The following RADIL variants were observed in gnomAD, a reference collection of about 807,000 sequenced individuals.
RADIL encodes Rap associating with DIL domain.
Under a neutral mutation model 97.6 loss-of-function variants are expected in RADIL, and 99 were observed. The observed-to-expected ratio is 1.01, with a 90% confidence interval of 0.86 to 1.20. The LOEUF (loss-of-function observed/expected upper bound fraction) is 1.20. RADIL is among the 50% of genes most tolerant of loss of function. The probability of loss-of-function intolerance (pLI) is 0.00; values close to 1 mark genes in which losing one functional copy is unlikely to be tolerated. For synonymous variants in RADIL, 803 were observed against 691.8 expected, an observed-to-expected ratio of 1.16 and a Z score of -2.52; for missense variants, 1,765 against 1,498.9, an observed-to-expected ratio of 1.18 and a Z score of -2.93.
intron 1 of RADIL, chr7:4,881,965 TC>T (rs1424047854): frequency 2.0e-5 from 3 of 150,910 alleles, no homozygotes; most frequent in African/African-American, 7.3e-5. Context: ...CCCCTGCTTT[TC>T]CCACAGTTTC....
At position 4,814,879 on chromosome 7, in the gene RADIL, C is replaced by G. The variant is rs1214107591; in HGVS notation, c.2139+399G>C. On this transcript the variant is annotated intron_variant, in intron 9 of 14. Transcript: ENST00000399583. The surrounding 1 kb of genome is among the most constrained non-coding windows in gnomAD (Gnocchi z 4.5). The stretch of plus-strand genomic sequence containing the variant: ...GGCCACTGCACTCCTGTGCTCCTGG[C>G]CCCTCCTCCAGCCTCAGAGCCACAT... Among the ~76,000 whole-genome samples the G allele has an allele frequency of 6.6e-6, 1 of 152,224 alleles. No individual in the cohort carries two copies.
At position 4,814,533 on chromosome 7, in the gene RADIL, G is replaced by A. The variant is rs143870564; in HGVS notation, c.2139+745C>T. On this transcript the variant is annotated intron_variant, in intron 9 of 14. Coordinates refer to ENST00000399583, the MANE Select transcript of RADIL (RefSeq NM_018059.5). The surrounding 1 kb of genome is among the most constrained non-coding windows in gnomAD (Gnocchi z 4.5). ...TTAATTACCTGTGATGACTGTGTTG[G>A]GAAGGGGGGTGGTGAGTGGCTGACT... is the stretch of plus-strand genomic sequence containing the variant. Among the ~76,000 whole-genome samples, 699 of 152,182 alleles carry A rather than the reference G, an allele frequency of 4.6e-3. No homozygotes were observed. Among genetic ancestry groups the A allele is most frequent in the Non-Finnish European group, 7.7e-3 (522 of 67,986 alleles).
chr7:4,816,300 C>T lies in RADIL; in HGVS notation c.1894G>A (p.Val632Met). 1 of 1,612,614 alleles carries T rather than the reference C, an allele frequency of 6.2e-7. No homozygotes were observed. Among genetic ancestry groups the T allele is most frequent in the East Asian group, 2.2e-5 (1 of 44,858 alleles). Residue 632 changes from valine to methionine, a missense_variant, in exon 8 of 15, where the codon GTG becomes ATG. By Grantham distance (21) the Val-to-Met change is conservative. Coordinates refer to ENST00000399583, the MANE Select transcript of RADIL (RefSeq NM_018059.5). ...AGGTAGGCGAGCATCTGCGAGGCCA[C>T]CTCGGGGTGCACCTGCAGCTGCCGC... ...LLRQLQVHPEVASQMLAYLFF... is the reference protein window; with the variant it reads ...LLRQLQVHPEMASQMLAYLFF...
Position 4,821,515 on chromosome 7 carries a change from C to T in RADIL, c.1615+879G>A, listed in dbSNP as rs1391857423. On this transcript the variant is annotated intron_variant, in intron 6 of 14. Transcript: ENST00000399583. The surrounding 1 kb of genome is among the most constrained non-coding windows in gnomAD (Gnocchi z 5.2). The stretch of plus-strand genomic sequence containing the variant: ...CCTCTCGAAGCCCCCTAGACTGCCC[C>T]GATGGAATCCCTCTCCCTTAGTATT... Among the ~76,000 whole-genome samples, 3 of 152,212 alleles carry T rather than the reference C, an allele frequency of 2.0e-5. No homozygotes were observed. The highest frequency in any genetic ancestry group is 7.2e-5 in the African/African-American group (3 of 41,454).
At chr7:4,876,946 C>A (rs548245709) in intron 2 of RADIL, among the ~76,000 whole-genome samples, 1 of 152,232 alleles carries the variant, frequency 6.6e-6, no homozygotes, top group Non-Finnish European at 1.5e-5. Context: ...AAAAACTCCC[C>A]GACAAGGTCG....
rs757495145 is a variant in RADIL, at chr7:4,842,142, T to C, written c.536-5537A>G. 6.6e-6 allele frequency among the ~76,000 whole-genome samples: 1 copy of C among 151,866 alleles called. No homozygotes were observed. Among genetic ancestry groups the C allele is most frequent in the African/African-American group, 2.4e-5 (1 of 41,354 alleles). ...ACCATGGTTTGCAGACAGGCCTGCC[T>C]GGTCATGAAATGTCTGCCTTTGACA... On this transcript the variant is annotated intron_variant, in intron 2 of 14. Coordinates refer to ENST00000399583, the MANE Select transcript of RADIL (RefSeq NM_018059.5). This position sits in a 1 kb window ranked among gnomAD's most constrained non-coding sequence, Gnocchi z 4.5.
chr7:4,881,910 T>C (rs1391867769), intron 1 of RADIL, among the ~76,000 whole-genome samples: 2 of 152,156 alleles, frequency 1.3e-5, no homozygotes, highest in Admixed American at 6.5e-5. Context: ...CCCAGGGTCT[T>C]AGAAGCTTGA....
chr7:4,806,952 T>C (rs1377502169), intron 9 of RADIL, among the ~76,000 whole-genome samples: 1 of 152,196 alleles, frequency 6.6e-6, no homozygotes, highest in East Asian at 1.9e-4. Flanking sequence ...CCCATCGTCC[T>C]GCAGCCCTGG....
At position 4,847,480 on chromosome 7, in the gene RADIL, T is replaced by TC. The variant is rs944638056; in HGVS notation, c.536-10876dup. On this transcript the variant is annotated intron_variant, in intron 2 of 14. Coordinates refer to ENST00000399583, the MANE Select transcript of RADIL (RefSeq NM_018059.5). ...ATGAATTTACCTGTGACTCATAAGT[T>TC]CAACTCCTAGGTATATGCCCAAGAG... Among the ~76,000 whole-genome samples the TC allele has an allele frequency of 2.0e-5, 3 of 152,126 alleles. No homozygotes were observed. The East Asian group carries it at 5.8e-4, about 29-fold the overall frequency.
At chr7:4,851,197 C>CA (rs138842231) in intron 2 of RADIL, among the ~76,000 whole-genome samples, 53 of 135,576 alleles carry the variant, frequency 3.9e-4, no homozygotes, top group Middle Eastern at 4.0e-3. Flanking sequence ...AACTCCGTCT[C>CA]AAAAAAAAAA....
rs1383262679 is a variant in RADIL at position 4,797,089 on chromosome 7, C to G, written c.*2289G>C. 1 of 152,268 alleles carries G rather than the reference C, an allele frequency of 6.6e-6. No individual in the cohort carries two copies. The highest frequency in any genetic ancestry group is 1.5e-5 in the Non-Finnish European group (1 of 68,070). 9.4% of individuals were successfully genotyped at this position (152,268 alleles called of 1,614,324 possible). A position where few individuals can be genotyped will look rare whatever the true frequency, so the allele number is the denominator to read the frequency against. On this transcript the variant is annotated 3_prime_UTR_variant, in exon 15 of 15. Transcript: ENST00000399583. ...GTGTTGTAGATTGTCTGGGGCCTGG[C>G]TGGGAAGTCGTTCTGCTCCACGTGG...
chr7:4,823,229 G>A (rs930771403), intron 5 of RADIL, among the ~76,000 whole-genome samples: 1 of 152,168 alleles, frequency 6.6e-6, no homozygotes. Context: ...GCCAAGGCGG[G>A]TGGATCACCT....
chr7:4,875,258 G>GCGGGCGCC (rs1784348908), intron 2 of RADIL, among the ~76,000 whole-genome samples: 1 of 131,842 alleles, frequency 7.6e-6, no homozygotes, highest in African/African-American at 3.8e-5. Flanking sequence ...GGGCGTGGTG[G>GCGGGCGCC]TGGTGCATGC....
rs1306823570 is a variant in RADIL, at chr7:4,872,335, G to T, written c.535+5270C>A. 1.3e-5 allele frequency among the ~76,000 whole-genome samples: 2 copies of T among 152,226 alleles called. No homozygotes were observed. Among genetic ancestry groups the T allele is most frequent in the African/African-American group, 4.8e-5 (2 of 41,462 alleles). The stretch of plus-strand genomic sequence containing the variant: ...AACCACGGACGCCTCCCTCAGCAAA[G>T]ATGCCCCAACCTAAAATGTAACGGG... On this transcript the variant is annotated intron_variant, in intron 2 of 14. Transcript: ENST00000399583. This position sits in a 1 kb window ranked among gnomAD's most constrained non-coding sequence, Gnocchi z 5.8.
intron 5 of RADIL, among the ~76,000 whole-genome samples, chr7:4,827,607 G>T (rs932210782): frequency 6.6e-6 from 1 of 152,214 alleles, no homozygotes; most frequent in South Asian, 2.1e-4. Context: ...GTTGCAGTGA[G>T]CCGAGATCGT....
intron 2 of RADIL, chr7:4,861,995 G>T: frequency 2.2e-6 from 1 of 444,800 alleles, no homozygotes. Context: ...GCCCCAACAT[G>T]GCGCCAGACC....
In RADIL at chr7:4,803,633, G is replaced by A. The variant is rs1481928630; in HGVS notation, c.2412C>T (p.Arg804=). ...DSIYQHLLYV[R]HFLWGLRSRA... ...TGCTCCGCAGACCCCACAGAAAGTG[G>A]CGGACGTAGAGCAGGTGCTGGTAGA... is the stretch of plus-strand genomic sequence containing the variant. Residue 804 remains arginine (R), a synonymous_variant, in exon 11 of 15, where the codon CGC becomes CGT. Coordinates refer to ENST00000399583, the MANE Select transcript of RADIL (RefSeq NM_018059.5). 2 of 1,549,976 alleles carry A rather than the reference G, an allele frequency of 1.3e-6. No homozygotes were observed. The highest frequency in any genetic ancestry group is 1.7e-6 in the Non-Finnish European group (2 of 1,147,090).
intron 5 of RADIL, among the ~76,000 whole-genome samples, chr7:4,829,425 G>A (rs1296544040): frequency 1.3e-5 from 2 of 152,138 alleles, no homozygotes; most frequent in African/African-American, 2.4e-5. Context: ...GGGGATGCTG[G>A]GGACTCCAGG....
Position 4,813,074 on chromosome 7 carries a change from T to TCTCTC in RADIL, c.2139+2203_2139+2204insGAGAG, listed in dbSNP as rs1562432542. 0.012 allele frequency among the ~76,000 whole-genome samples: 1,833 copies of TCTCTC among 147,756 alleles called. 23 individuals are homozygous for TCTCTC. Among genetic ancestry groups the TCTCTC allele is most frequent in the African/African-American group, 0.034 (1,348 of 39,852 alleles). ...TTCATCCTTACCCCAAGGTTCTTCT[T>TCTCTC]TCTCTCTCTCTCTCTCTCTCTCTCT... On this transcript the variant is annotated intron_variant, in intron 9 of 14. Coordinates refer to ENST00000399583, the MANE Select transcript of RADIL (RefSeq NM_018059.5). This position sits in a 1 kb window ranked among gnomAD's most constrained non-coding sequence, Gnocchi z 5.0.
Sources: allele counts gnomAD v4.1 joint callset (sites outside exome capture counted in the v4.1 genomes callset), GRCh38; gene constraint gnomAD v4.1.1; non-coding constraint Gnocchi (gnomAD v3.1); transcripts MANE v1.5; gene names NCBI Gene and HGNC (gene_info 2026-07-23, HGNC 2026-07-21).